The following OSBPL1A variants were observed in gnomAD, a reference collection of about 807,000 sequenced individuals.
OSBPL1A encodes oxysterol binding protein like 1A, also known as oxysterol-binding protein-related protein 1.
OSBPL1A carries 80 observed loss-of-function variants against 137.1 expected under a neutral mutation model. The observed-to-expected ratio is 0.58, with a 90% CI of 0.49 to 0.70. The LOEUF is 0.70. Among genes scored for constraint, OSBPL1A ranks in the 30% least tolerant of loss-of-function variants. OSBPL1A has a pLI of 0.00. For synonymous variants in OSBPL1A, 365 were observed against 389.7 expected (o/e 0.94, Z 0.75); for missense variants, 970 against 1,129.4 (o/e 0.86, Z 2.02).
Position 24,355,682 on chromosome 18 carries a change from C to T in OSBPL1A, c.282+11210G>A, listed in dbSNP as rs190917686. Among the ~76,000 whole-genome samples, 422 of 151,842 alleles carry T rather than the reference C, an allele frequency of 2.8e-3. 3 individuals are homozygous for T. The highest frequency in any genetic ancestry group is 9.7e-3 in the African/African-American group (400 of 41,426). ...AAGGTAAGAGGCAGAAGAGAGTCAC[C>T]CCATTAAAAGTCATGATACCGGCTG... On this transcript the variant is annotated intron_variant, in intron 4 of 27. Transcript: ENST00000319481.
intron 4 of OSBPL1A, among the ~76,000 whole-genome samples, chr18:24,342,195 C>T (rs953186047): frequency 6.6e-6 from 1 of 152,040 alleles, no homozygotes; most frequent in East Asian, 1.9e-4. Context: ...TAGATAAGCA[C>T]GACAGTCTCC....
chr18:24,293,362 CTGGAGAGA>C (rs2090222926), intron 14 of OSBPL1A, among the ~76,000 whole-genome samples: 1 of 152,048 alleles, frequency 6.6e-6, no homozygotes, highest in Non-Finnish European at 1.5e-5. Context: ...CACAGTCCGG[CTGGAGAGA>C]ATGAAGGTAA....
intron 15 of OSBPL1A, among the ~76,000 whole-genome samples, chr18:24,263,672 G>GTT (rs752448820): frequency 9.9e-4 from 151 of 152,242 alleles, no homozygotes; most frequent in Non-Finnish European, 1.8e-3. Context: ...GTTGCACTCT[G>GTT]TCACCCAGGC....
At chr18:24,252,555 A>G (rs1039224796) in intron 15 of OSBPL1A, among the ~76,000 whole-genome samples, 6 of 152,044 alleles carry the variant, frequency 3.9e-5, no homozygotes, top group Admixed American at 3.9e-4. Context: ...TCAACACCAG[A>G]CGTGTCCTAC....
chr18:24,271,543 T>A lies in OSBPL1A; in HGVS notation c.1281+9299A>T. The A allele has an allele frequency of 1.0e-6, 1 of 986,056 alleles. No homozygotes were observed. The highest frequency in any genetic ancestry group is 1.2e-6 in the Non-Finnish European group (1 of 830,534). 61.1% of individuals were successfully genotyped at this position (986,056 alleles called of 1,614,324 possible). The stretch of plus-strand genomic sequence containing the variant: ...ATCCCTGGATCAAGTCTGGCCGCCC[T>A]CCCCGCTCCGTCCCCCGGCGTCCTC... On this transcript the variant is annotated intron_variant, in intron 15 of 27. Transcript: ENST00000319481. This position sits in a 1 kb window ranked among gnomAD's most constrained non-coding sequence, Gnocchi z 4.0.
At chr18:24,395,959 C>T (rs1745591748) in intron 1 of OSBPL1A, among the ~76,000 whole-genome samples, 1 of 149,322 alleles carries the variant, frequency 6.7e-6, no homozygotes. Context: ...GTGGCTCACA[C>T]CTGTAAATCC....
intron 15 of OSBPL1A, among the ~76,000 whole-genome samples, chr18:24,275,561 T>C (rs546525757): frequency 1.3e-5 from 2 of 152,240 alleles, no homozygotes; most frequent in South Asian, 4.1e-4. Flanking sequence ...ATGAAATGAA[T>C]GGAAGAGATC....
intron 5 of OSBPL1A, among the ~76,000 whole-genome samples, chr18:24,335,958 T>C (rs2146146799): frequency 6.6e-6 from 1 of 152,336 alleles, no homozygotes; most frequent in Non-Finnish European, 1.5e-5. Context: ...AGACTCTCTG[T>C]AGACTGTCCA....
In OSBPL1A at chr18:24,178,175, A is replaced by AG; in HGVS notation, c.1930dup (p.Leu644ProfsTer18). 6.5e-7 allele frequency: 1 copy of AG among 1,541,684 alleles called. No homozygotes were observed. Among genetic ancestry groups the AG allele is most frequent in the Non-Finnish European group, 8.9e-7 (1 of 1,125,476 alleles). ...GTGATGGCTGACCTGTTCGGAGATGAGTCTAAATCCAAGGTCATCTCTTAA... is the reference window on the plus strand; with the variant it reads ...GTGATGGCTGACCTGTTCGGAGATGAGGTCTAAATCCAAGGTCATCTCTTAA... On this transcript the variant is annotated frameshift_variant, in exon 21 of 28. Coordinates refer to ENST00000319481, the MANE Select transcript of OSBPL1A (RefSeq NM_080597.4). LOFTEE classifies it high-confidence loss of function.
At chr18:24,258,693 T>C (rs1403902546) in intron 15 of OSBPL1A, among the ~76,000 whole-genome samples, 1 of 152,178 alleles carries the variant, frequency 6.6e-6, no homozygotes, top group Non-Finnish European at 1.5e-5. Flanking sequence ...TTACGCATTG[T>C]ATGCCTGCAT....
chr18:24,333,171 G>A, intron 6 of OSBPL1A, 85 bp from the exon 7 acceptor site: 5 of 1,457,452 alleles, frequency 3.4e-6, no homozygotes, highest in Non-Finnish European at 3.7e-6. Flanking sequence ...TATCAGCAGA[G>A]CCCGAAGAAT....
intron 18 of OSBPL1A, among the ~76,000 whole-genome samples, chr18:24,193,256 G>A (rs1180370883): frequency 1.3e-5 from 2 of 152,140 alleles, no homozygotes; most frequent in African/African-American, 2.4e-5. Context: ...GGAAGCCAGG[G>A]TGGGTGGATC....
intron 15 of OSBPL1A, among the ~76,000 whole-genome samples, chr18:24,259,505 C>T (rs2089386001): frequency 6.6e-6 from 1 of 152,110 alleles, no homozygotes; most frequent in African/African-American, 2.4e-5. Flanking sequence ...GATAGTAGAA[C>T]TAATTAAAGG....
chr18:24,382,617 G>A (rs1029451460), intron 1 of OSBPL1A, among the ~76,000 whole-genome samples: 1 of 151,300 alleles, frequency 6.6e-6, no homozygotes, highest in Non-Finnish European at 1.5e-5. Flanking sequence ...AGAAGCTGGG[G>A]GCAACGGCTC....
chr18:24,308,169 G>A (rs2090543189), intron 13 of OSBPL1A, among the ~76,000 whole-genome samples: 1 of 148,282 alleles, frequency 6.7e-6, no homozygotes, highest in South Asian at 2.1e-4. Context: ...AGGCTGGAGT[G>A]CAGTGGCGTG....
intron 16 of OSBPL1A, among the ~76,000 whole-genome samples, chr18:24,230,147 T>A (rs541390438): frequency 6.6e-6 from 1 of 152,320 alleles, no homozygotes; most frequent in South Asian, 2.1e-4. Flanking sequence ...GTAGAAAGCA[T>A]GAAGGGAAGA....
intron 1 of OSBPL1A, among the ~76,000 whole-genome samples, chr18:24,380,260 TA>T (rs1012480237): frequency 5.9e-5 from 9 of 151,912 alleles, no homozygotes; most frequent in African/African-American, 2.2e-4. Flanking sequence ...TCACCAAAAT[TA>T]AAAAACCAAG....
chr18:24,273,281 GA>G (rs1372094247), intron 15 of OSBPL1A, among the ~76,000 whole-genome samples: 1 of 152,148 alleles, frequency 6.6e-6, no homozygotes, highest in Admixed American at 6.5e-5. Flanking sequence ...ACTGTACTTG[GA>G]AAAATCATGT....
At chr18:24,294,401 T>G (rs1482828558) in intron 14 of OSBPL1A, among the ~76,000 whole-genome samples, 8 of 152,060 alleles carry the variant, frequency 5.3e-5, no homozygotes, top group Non-Finnish European at 8.8e-5. Context: ...CCAGCTAATT[T>G]TTGTATTTTT....
Sources: gnomAD v4.1 joint callset for allele counts (sites outside exome capture counted in the v4.1 genomes callset) on GRCh38, gnomAD v4.1.1 for gene constraint, Gnocchi (gnomAD v3.1) non-coding constraint, MANE v1.5 for transcripts, NCBI Gene and HGNC (gene_info 2026-07-23, HGNC 2026-07-21) for gene names.